The following DUSP16 variants were observed in gnomAD, a reference collection of about 807,000 sequenced individuals.
DUSP16 encodes the protein dual specificity protein phosphatase 16.
Under a neutral mutation model 58.3 loss-of-function variants are expected in DUSP16, and 21 were observed. The observed-to-expected ratio is 0.36, with a 90% CI of 0.26 to 0.52. The LOEUF (loss-of-function observed/expected upper bound fraction) is 0.52. DUSP16 is among the 20% of genes least tolerant of loss of function. The pLI is 0.94. For synonymous variants in DUSP16, 320 were observed against 323.8 expected (o/e 0.99, Z 0.12); for missense variants, 726 against 819.0 (o/e 0.89, Z 1.39).
In DUSP16 at chr12:12,475,272, A is replaced by G. The variant is rs1943406716; in HGVS notation, c.*1561T>C. On this transcript the variant is annotated 3_prime_UTR_variant, in exon 7 of 7. Transcript: ENST00000298573. ...CTGCTGTTGTGAATTAAGGCTTCAA[A>G]AGAGGACCCACATTGTAGCTGATAA... 1 of 152,094 alleles carries G rather than the reference A, an allele frequency of 6.6e-6. No homozygotes were observed. Among genetic ancestry groups the G allele is most frequent in the East Asian group, 1.9e-4 (1 of 5,192 alleles). The allele number at this position is 152,094 out of a possible 1,614,324, so 9.4% of individuals were successfully genotyped here.
chr12:12,550,205 G>A (rs777200254), intron 1 of DUSP16, among the ~76,000 whole-genome samples: 11 of 151,820 alleles, frequency 7.2e-5, no homozygotes, highest in East Asian at 1.9e-4. Flanking sequence ...CCCGGGAGGC[G>A]GAGGCTGCAG....
chr12:12,561,406 A>T (rs766263375), intron 1 of DUSP16, among the ~76,000 whole-genome samples: 1 of 152,214 alleles, frequency 6.6e-6, no homozygotes, highest in Non-Finnish European at 1.5e-5. Context: ...TTAGGAAATA[A>T]ACCCAGCATC....
chr12:12,492,077 G>A (rs953698653), intron 4 of DUSP16, among the ~76,000 whole-genome samples: 20 of 152,194 alleles, frequency 1.3e-4, no homozygotes, highest in Admixed American at 1.1e-3. Flanking sequence ...CCCTAGTTAA[G>A]TCTAATTCTC....
chr12:12,497,125 TG>T (rs1276129214), intron 4 of DUSP16, among the ~76,000 whole-genome samples: 1 of 152,366 alleles, frequency 6.6e-6, no homozygotes, highest in African/African-American at 2.4e-5. Context: ...TCAGTAATTT[TG>T]TATACTGATT....
Position 12,517,596 on chromosome 12 carries a change from C to T in DUSP16, c.367+2266G>A, listed in dbSNP as rs550911451. ...ATCTACCTACCCTGACGAAAAAATTCACTAACCAAGAGAATCCCCAATTGC... is the reference window on the plus strand; with the variant it reads ...ATCTACCTACCCTGACGAAAAAATTTACTAACCAAGAGAATCCCCAATTGC... On this transcript the variant is annotated intron_variant, in intron 3 of 6. Transcript: ENST00000298573. Among the ~76,000 whole-genome samples, 4 of 152,304 alleles carry T rather than the reference C, an allele frequency of 2.6e-5. No individual in the cohort carries two copies. The South Asian group carries it at 8.3e-4, about 32-fold the overall frequency.
chr12:12,500,096 A>AG (rs1481340150), intron 4 of DUSP16, among the ~76,000 whole-genome samples: 1 of 152,052 alleles, frequency 6.6e-6, no homozygotes, highest in African/African-American at 2.4e-5. Flanking sequence ...AGCAGTCATC[A>AG]TGAGGACCTT....
chr12:12,546,759 C>T (rs994991323), intron 1 of DUSP16, among the ~76,000 whole-genome samples: 4 of 152,140 alleles, frequency 2.6e-5, no homozygotes, highest in East Asian at 1.9e-4. Context: ...TTTATTCCTC[C>T]TATAGTATTG....
In DUSP16 at chr12:12,480,365, A is replaced by G; in HGVS notation, c.692-19T>C. On this transcript the variant is annotated intron_variant, in intron 5 of 6. Transcript: ENST00000298573. ...GCTTTCTCTGTATAAGTCAAATGCAAGAAAGGTCACTACTAACTATTTTGT... is the reference window on the plus strand; with the variant it reads ...GCTTTCTCTGTATAAGTCAAATGCAGGAAAGGTCACTACTAACTATTTTGT... 2 of 1,610,198 alleles carry G rather than the reference A, an allele frequency of 1.2e-6. No individual in the cohort carries two copies. Among genetic ancestry groups the G allele is most frequent in the Non-Finnish European group, 1.7e-6 (2 of 1,178,246 alleles).
chr12:12,482,426 C>T (rs1293303616), intron 5 of DUSP16, among the ~76,000 whole-genome samples: 5 of 152,082 alleles, frequency 3.3e-5, no homozygotes, highest in East Asian at 1.9e-4. Context: ...CTTTTGATGA[C>T]GTCTTTTAAA....
chr12:12,555,940 C>T (rs188962432), intron 1 of DUSP16, among the ~76,000 whole-genome samples: 1 of 152,250 alleles, frequency 6.6e-6, no homozygotes, highest in East Asian at 1.9e-4. Flanking sequence ...ATTTGGGAGG[C>T]TGAGGTGGGA....
chr12:12,557,644 T>C (rs12308450), intron 1 of DUSP16, among the ~76,000 whole-genome samples: 14,727 of 152,178 alleles, frequency 0.097, 1,416 homozygotes, highest in East Asian at 0.25. Context: ...TAGACTATCA[T>C]AGGCAAAGCA....
At chr12:12,555,965 G>A (rs181661999) in intron 1 of DUSP16, among the ~76,000 whole-genome samples, 6 of 152,170 alleles carry the variant, frequency 3.9e-5, no homozygotes, top group African/African-American at 1.2e-4. Flanking sequence ...CCCTTGAACC[G>A]AGGAAGTCAA....
intron 6 of DUSP16, among the ~76,000 whole-genome samples, chr12:12,479,685 C>T (rs181108636): frequency 6.6e-6 from 1 of 152,262 alleles, no homozygotes; most frequent in East Asian, 1.9e-4. Flanking sequence ...GGGAGTCAGA[C>T]AAATCAGAGA....
At chr12:12,480,811 C>T (rs1331241234) in intron 5 of DUSP16, among the ~76,000 whole-genome samples, 3 of 152,182 alleles carry the variant, frequency 2.0e-5, no homozygotes, top group Admixed American at 6.5e-5. Context: ...CTCCGCCTCC[C>T]GGATTCAAGT....
At chr12:12,481,724 AC>A (rs1943568825) in intron 5 of DUSP16, among the ~76,000 whole-genome samples, 2 of 150,576 alleles carry the variant, frequency 1.3e-5, no homozygotes, top group South Asian at 4.4e-4. Context: ...ACAAATGAAT[AC>A]CAAGCAACAC....
intron 1 of DUSP16, among the ~76,000 whole-genome samples, chr12:12,525,446 C>G (rs1944292493): frequency 6.7e-6 from 1 of 149,578 alleles, no homozygotes; most frequent in African/African-American, 2.5e-5. Flanking sequence ...TTTTGTATTT[C>G]TAGTAGAGAT....
intron 1 of DUSP16, among the ~76,000 whole-genome samples, chr12:12,558,477 G>C (rs563253297): frequency 5.3e-5 from 8 of 151,932 alleles, no homozygotes; most frequent in South Asian, 2.1e-4. Flanking sequence ...GACCTCCCAG[G>C]CTCAAGAGAT....
chr12:12,551,184 G>A (rs1393408442), intron 1 of DUSP16, among the ~76,000 whole-genome samples: 1 of 151,694 alleles, frequency 6.6e-6, no homozygotes, highest in African/African-American at 2.4e-5. Flanking sequence ...AATGAATAAA[G>A]TGAACCTGTC....
At chr12:12,489,096 CAAA>C (rs982025237) in intron 4 of DUSP16, among the ~76,000 whole-genome samples, 3 of 152,112 alleles carry the variant, frequency 2.0e-5, no homozygotes, top group African/African-American at 7.2e-5. Context: ...AACACACAAA[CAAA>C]AAAGTGGACA....
Sources: gnomAD v4.1 joint callset for allele counts (sites outside exome capture counted in the v4.1 genomes callset) on GRCh38, gnomAD v4.1.1 for gene constraint, MANE v1.5 for transcripts, NCBI Gene and HGNC (gene_info 2026-07-23, HGNC 2026-07-21) for gene names.